The following CHODL variants were observed in gnomAD, a reference collection of about 807,000 sequenced individuals.
CHODL encodes the protein chondrolectin, also known as transmembrane protein MT75.
A neutral mutation model predicts 34.5 loss-of-function variants in CHODL; 29 were observed. The observed-to-expected ratio is 0.84, with a 90% CI of 0.63 to 1.15. The LOEUF (loss-of-function observed/expected upper bound fraction) is 1.15, where lower values mean the gene tolerates loss of function less well. Ranked by LOEUF, CHODL falls within the 50% of genes most tolerant of loss-of-function variation. CHODL has a pLI of 0.00. For synonymous variants in CHODL, 125 were observed against 116.1 expected (o/e 1.08, Z -0.49); for missense variants, 332 against 332.5 (o/e 1.00, Z 0.01).
chr21:18,071,971 A>G (rs940016434), intron 2 of CHODL, among the ~76,000 whole-genome samples: 1 of 152,108 alleles, frequency 6.6e-6, no homozygotes, highest in African/African-American at 2.4e-5. Context: ...TCTTTTATAG[A>G]ATAGTGTAGT....
intron 2 of CHODL, among the ~76,000 whole-genome samples, chr21:18,109,097 TAGC>T (rs1383527899): frequency 2.0e-5 from 3 of 152,312 alleles, no homozygotes; most frequent in African/African-American, 7.2e-5. Flanking sequence ...ATTAATTATG[TAGC>T]AGCAGTTTTT....
intron 2 of CHODL, among the ~76,000 whole-genome samples, chr21:18,138,457 C>G (rs907151519): frequency 3.9e-5 from 6 of 152,180 alleles, no homozygotes; most frequent in African/African-American, 9.7e-5. Context: ...GTTTAAATAA[C>G]TATCAATTAA....
At chr21:18,233,587 C>T (rs777371374) in intron 2 of CHODL, among the ~76,000 whole-genome samples, 5 of 151,976 alleles carry the variant, frequency 3.3e-5, no homozygotes, top group Non-Finnish European at 7.4e-5. Context: ...CCAGAGTTTT[C>T]GATAACATTA....
In CHODL at chr21:18,189,148, T is replaced by G. The variant is rs576288007; in HGVS notation, c.-44-67361T>G. On this transcript the variant is annotated intron_variant, in intron 2 of 6. Transcript: ENST00000400127. ...ATTCTCTCTCTCTTTTTTGTTTAAT[T>G]TAACACAAGTGACTCCATTTTGAGT... is the stretch of plus-strand genomic sequence containing the variant. Among the ~76,000 whole-genome samples the G allele has an allele frequency of 3.2e-4, 49 of 152,332 alleles. 1 individual carries two copies. The South Asian group carries it at 9.7e-3, about 30-fold the overall frequency.
chr21:17,994,570 T>C (rs2063829875), intron 1 of CHODL, among the ~76,000 whole-genome samples: 1 of 152,134 alleles, frequency 6.6e-6, no homozygotes, highest in South Asian at 2.1e-4. Flanking sequence ...GTCCTGATGG[T>C]AGTGGACTGA....
chr21:18,064,481 G>A (rs1467137408), intron 2 of CHODL, among the ~76,000 whole-genome samples: 1 of 152,138 alleles, frequency 6.6e-6, no homozygotes, highest in South Asian at 2.1e-4. Context: ...TTGGTTAAAG[G>A]CTGTGTAAAA....
At chr21:17,960,811 T>C (rs1322612966) in intron 1 of CHODL, among the ~76,000 whole-genome samples, 1 of 152,186 alleles carries the variant, frequency 6.6e-6, no homozygotes, top group Non-Finnish European at 1.5e-5. Context: ...CTCAATTCCC[T>C]ATTCAGTCCC....
intron 1 of CHODL, among the ~76,000 whole-genome samples, chr21:17,922,200 T>C (rs575335460): frequency 6.7e-6 from 1 of 149,006 alleles, no homozygotes; most frequent in South Asian, 2.1e-4. Flanking sequence ...GGCCACTGCT[T>C]ATGGCTCTAA....
In CHODL at chr21:18,257,834, A is replaced by C. The variant is rs138167256; in HGVS notation, c.547+707A>C. On this transcript the variant is annotated intron_variant, in intron 3 of 5. Coordinates refer to ENST00000299295, the MANE Select transcript of CHODL (RefSeq NM_024944.3). ...GTCCATTTGAATTACTTTAACTAGG[A>C]CGGATCGTCTGAATTCATATTTGAC... Among the ~76,000 whole-genome samples, 9 of 152,294 alleles carry C rather than the reference A, an allele frequency of 5.9e-5. No homozygotes were observed. In the East Asian group the frequency reaches 1.7e-3, roughly 29 times the overall value.
chr21:17,950,524 A>G (rs1568813301), intron 1 of CHODL, among the ~76,000 whole-genome samples: 1 of 125,642 alleles, frequency 8.0e-6, no homozygotes, highest in Non-Finnish European at 1.7e-5. Flanking sequence ...ACACACACAC[A>G]CACACACACA....
intron 1 of CHODL, among the ~76,000 whole-genome samples, chr21:17,919,870 A>T (rs2063170673): frequency 6.6e-6 from 1 of 152,146 alleles, no homozygotes; most frequent in Non-Finnish European, 1.5e-5. Flanking sequence ...TTTGCCAGAT[A>T]CCCTAAATCA....
In CHODL at chr21:18,113,914, G is replaced by C. The variant is rs546830714; in HGVS notation, c.-45+85943G>C. ...CTAAGTGTCCATCAACAGATGACTA[G>C]ATAAACAAAATGTGGTCCATATACA... On this transcript the variant is annotated intron_variant, in intron 2 of 6. Coordinates refer to the CHODL transcript ENST00000400127. Among the ~76,000 whole-genome samples, 7 of 152,254 alleles carry C rather than the reference G, an allele frequency of 4.6e-5. 1 individual carries two copies. In the South Asian group the frequency reaches 1.5e-3, roughly 32 times the overall value.
intron 1 of CHODL, among the ~76,000 whole-genome samples, chr21:17,988,504 C>T (rs200044878): frequency 7.2e-6 from 1 of 138,740 alleles, no homozygotes; most frequent in Non-Finnish European, 1.5e-5. Context: ...CCCATTAACT[C>T]GTCATTTAGC....
At chr21:18,169,222 T>A (rs1481098092) in intron 2 of CHODL, among the ~76,000 whole-genome samples, 1 of 152,128 alleles carries the variant, frequency 6.6e-6, no homozygotes, top group African/African-American at 2.4e-5. Context: ...AGATGTTTTA[T>A]TTTTTCTTGA....
chr21:18,013,601 A>G (rs1159049524), intron 1 of CHODL, among the ~76,000 whole-genome samples: 1 of 140,708 alleles, frequency 7.1e-6, no homozygotes, highest in Admixed American at 7.4e-5. Flanking sequence ...GTGATAGACA[A>G]ATATTACAGA....
intron 1 of CHODL, among the ~76,000 whole-genome samples, chr21:17,980,662 G>A (rs951748854): frequency 6.6e-6 from 1 of 152,088 alleles, no homozygotes; most frequent in African/African-American, 2.4e-5. Context: ...TCTGTTCTTG[G>A]GTTTCACGGG....
intron 2 of CHODL, among the ~76,000 whole-genome samples, chr21:18,180,303 C>T (rs2073366766): frequency 6.6e-6 from 1 of 152,112 alleles, no homozygotes; most frequent in South Asian, 2.1e-4. Flanking sequence ...CAGGCACGCA[C>T]CACCACATCC....
At chr21:18,114,336 C>G (rs1454345477) in intron 2 of CHODL, among the ~76,000 whole-genome samples, 1 of 151,988 alleles carries the variant, frequency 6.6e-6, no homozygotes, top group Admixed American at 6.6e-5. Flanking sequence ...GGATGGATAC[C>G]CCATTCTCCA....
intron 2 of CHODL, among the ~76,000 whole-genome samples, chr21:18,154,663 A>G (rs1305807960): frequency 6.6e-6 from 1 of 152,196 alleles, no homozygotes; most frequent in Non-Finnish European, 1.5e-5. Flanking sequence ...AAATACTCAG[A>G]TTAACATTTG....
Sources: allele counts gnomAD v4.1 joint callset (sites outside exome capture counted in the v4.1 genomes callset), GRCh38; gene constraint gnomAD v4.1.1; transcripts MANE v1.5; gene names NCBI Gene and HGNC (gene_info 2026-07-23, HGNC 2026-07-21).